The following CDK14 variants were observed in gnomAD, a reference collection of about 807,000 sequenced individuals.
CDK14 encodes cyclin-dependent kinase 14.
A neutral mutation model predicts 60.7 loss-of-function variants in CDK14; 34 were observed. The observed-to-expected ratio is 0.56, with a 90% confidence interval of 0.43 to 0.75. The LOEUF (loss-of-function observed/expected upper bound fraction) is 0.75, where lower values mean the gene tolerates loss of function less well. Among genes scored for constraint, CDK14 ranks in the 30% least tolerant of loss-of-function variants. The pLI, the probability that CDK14 is intolerant of heterozygous loss-of-function variation, is 0.00. For missense variants in CDK14, 482 were observed against 564.1 expected (o/e 0.85, Z 1.47); for synonymous variants, 197 against 203.7 (o/e 0.97, Z 0.28).
chr7:90,783,249 C>A (rs1025749022), intron 4 of CDK14, among the ~76,000 whole-genome samples: 2 of 152,044 alleles, frequency 1.3e-5, no homozygotes, highest in Non-Finnish European at 2.9e-5. Context: ...TTCATTAAAT[C>A]TTTTTGCATT....
intron 2 of CDK14, among the ~76,000 whole-genome samples, chr7:90,673,552 T>C (rs1225012238): frequency 6.6e-6 from 1 of 151,656 alleles, no homozygotes; most frequent in Non-Finnish European, 1.5e-5. Flanking sequence ...TTAAAATTGG[T>C]TAAGTCTATT....
intron 2 of CDK14, among the ~76,000 whole-genome samples, chr7:90,637,939 A>T (rs1282724428): frequency 6.8e-6 from 1 of 147,672 alleles, no homozygotes; most frequent in African/African-American, 2.5e-5. Context: ...CTGTTTTATC[A>T]GAGACTAGGA....
intron 10 of CDK14, among the ~76,000 whole-genome samples, chr7:91,004,935 G>A (rs898653378): frequency 6.6e-6 from 1 of 152,208 alleles, no homozygotes; most frequent in African/African-American, 2.4e-5. Flanking sequence ...CTGAGGCTGA[G>A]GGAGAGAACC....
chr7:90,807,568 T>C (rs1434275979), intron 5 of CDK14, among the ~76,000 whole-genome samples: 2 of 152,124 alleles, frequency 1.3e-5, no homozygotes, highest in East Asian at 3.9e-4. Flanking sequence ...CCTCTCCTCC[T>C]CCAAAGGAAT....
In CDK14 at chr7:91,038,253, G is replaced by C. The variant is rs142406658; in HGVS notation, c.1042-7644G>C. On this transcript the variant is annotated intron_variant, in intron 10 of 14. Coordinates refer to ENST00000380050, the MANE Select transcript of CDK14 (RefSeq NM_001287135.2). ...AGTTTAACATGACTTTTTATTTAAT[G>C]AAGTCATGATAATTTGTCATTTACA... Among the ~76,000 whole-genome samples, 225 of 152,252 alleles carry C rather than the reference G, an allele frequency of 1.5e-3. 1 individual carries two copies. The highest frequency in any genetic ancestry group is 5.4e-3 in the African/African-American group (224 of 41,550).
At chr7:91,094,071 T>C (rs1798910051) in intron 12 of CDK14, among the ~76,000 whole-genome samples, 1 of 152,080 alleles carries the variant, frequency 6.6e-6, no homozygotes, top group Non-Finnish European at 1.5e-5. Context: ...TGTTGGTTAC[T>C]ATGCTAACTA....
At chr7:90,906,927 A>C (rs1792727002) in intron 7 of CDK14, among the ~76,000 whole-genome samples, 1 of 152,100 alleles carries the variant, frequency 6.6e-6, no homozygotes, top group African/African-American at 2.4e-5. Context: ...GTGTTAACTA[A>C]ATTTCTACTC....
intron 2 of CDK14, among the ~76,000 whole-genome samples, chr7:90,718,617 C>T (rs1298398701): frequency 6.6e-6 from 1 of 152,076 alleles, no homozygotes; most frequent in African/African-American, 2.4e-5. Flanking sequence ...TCTTGGTTCT[C>T]ATAAAACAAA....
intron 6 of CDK14, among the ~76,000 whole-genome samples, chr7:90,890,193 T>C (rs143406739): frequency 6.6e-6 from 1 of 152,300 alleles, no homozygotes; most frequent in African/African-American, 2.4e-5. Context: ...GACAACATAG[T>C]GAGAGTCCGT....
At chr7:90,971,605 T>C (rs1028220811) in intron 9 of CDK14, among the ~76,000 whole-genome samples, 1 of 150,336 alleles carries the variant, frequency 6.7e-6, no homozygotes, top group Non-Finnish European at 1.5e-5. Context: ...TGTAGAAGTA[T>C]TTAGGAATAC....
intron 9 of CDK14, among the ~76,000 whole-genome samples, chr7:90,961,931 G>T (rs1025586567): frequency 9.9e-5 from 15 of 152,172 alleles, no homozygotes; most frequent in Non-Finnish European, 2.2e-4. Flanking sequence ...TTCTCATAAC[G>T]CACTAGAGCA....
At chr7:91,195,669 A>G (rs563317863) in intron 14 of CDK14, among the ~76,000 whole-genome samples, 12 of 152,222 alleles carry the variant, frequency 7.9e-5, no homozygotes, top group Non-Finnish European at 1.8e-4. Context: ...AACCAGCTGC[A>G]TTATCTGATT....
At chr7:91,022,598 G>A (rs17481138) in intron 10 of CDK14, among the ~76,000 whole-genome samples, 22,435 of 152,172 alleles carry the variant, frequency 0.15, 1,880 homozygotes, top group Middle Eastern at 0.27. Context: ...CCAGCAAAAT[G>A]TTCTCCCTTT....
chr7:90,806,571 C>A (rs1209806002), intron 5 of CDK14, among the ~76,000 whole-genome samples: 1 of 152,200 alleles, frequency 6.6e-6, no homozygotes, highest in Non-Finnish European at 1.5e-5. Flanking sequence ...TTCTGCATTT[C>A]CAACTGAGGT....
intron 4 of CDK14, among the ~76,000 whole-genome samples, chr7:90,758,272 G>GTC (rs147601499): frequency 0.075 from 11,278 of 149,406 alleles, 842 homozygotes; most frequent in East Asian, 0.43. Context: ...CTGTCTCTTT[G>GTC]TCTCTCTCTC....
chr7:91,018,481 G>A (rs1243432425), intron 10 of CDK14, among the ~76,000 whole-genome samples: 1 of 151,864 alleles, frequency 6.6e-6, no homozygotes, highest in Non-Finnish European at 1.5e-5. Context: ...ATATCTTCTT[G>A]CAGAGTCTAC....
At chr7:90,785,424 G>A (rs767997864) in intron 4 of CDK14, among the ~76,000 whole-genome samples, 1 of 152,134 alleles carries the variant, frequency 6.6e-6, no homozygotes, top group Non-Finnish European at 1.5e-5. Flanking sequence ...ACTGGAAAAT[G>A]TACTTTGAGC....
intron 2 of CDK14, among the ~76,000 whole-genome samples, chr7:90,715,487 C>G (rs746002640): frequency 3.3e-5 from 5 of 151,924 alleles, no homozygotes; most frequent in Non-Finnish European, 7.4e-5. Flanking sequence ...CAGTCAGTCC[C>G]CTTCGCCAGC....
At chr7:90,849,271 C>G (rs773776989) in intron 5 of CDK14, among the ~76,000 whole-genome samples, 1 of 150,432 alleles carries the variant, frequency 6.6e-6, no homozygotes, top group African/African-American at 2.5e-5. Context: ...ATATGCTGCT[C>G]GCTCTTCACC....
Sources: gnomAD v4.1 joint callset for allele counts (sites outside exome capture counted in the v4.1 genomes callset) on GRCh38, gnomAD v4.1.1 for gene constraint, MANE v1.5 for transcripts, NCBI Gene and HGNC (gene_info 2026-07-23, HGNC 2026-07-21) for gene names.